The following ADD1 variants were observed in gnomAD, a reference collection of about 807,000 sequenced individuals.
ADD1 encodes the protein alpha-adducin.
In ADD1, 24 loss-of-function variants were observed where a neutral mutation model predicts 80.5. The ratio of observed to expected loss-of-function variants is 0.30; its 90% confidence interval spans 0.22 to 0.42. The LOEUF is 0.42. Among genes scored for constraint, ADD1 ranks in the 10% least tolerant of loss-of-function variants. The probability of loss-of-function intolerance (pLI) is 1.00; values close to 1 mark genes in which losing one functional copy is unlikely to be tolerated. For synonymous variants in ADD1, 373 were observed against 393.8 expected, an observed-to-expected ratio of 0.95 and a Z score of 0.63; for missense variants, 948 against 1,019.0, an observed-to-expected ratio of 0.93 and a Z score of 0.95.
intron 6 of ADD1, 115 bp from the exon 7 acceptor site, chr4:2,898,069 G>A (rs1181304994): frequency 1.8e-5 from 24 of 1,329,546 alleles, no homozygotes; most frequent in Non-Finnish European, 3.1e-6. Flanking sequence ...TTTTCAAGAA[G>A]AGGACAAAAA....
At chr4:2,874,758 A>G (rs1731005443) in intron 1 of ADD1, among the ~76,000 whole-genome samples, 1 of 152,218 alleles carries the variant, frequency 6.6e-6, no homozygotes, top group Non-Finnish European at 1.5e-5. Flanking sequence ...CAATAAAAAT[A>G]TCTTTTTTGC....
intron 1 of ADD1, among the ~76,000 whole-genome samples, chr4:2,855,569 G>T (rs1164445826): frequency 6.6e-6 from 1 of 150,952 alleles, no homozygotes; most frequent in Non-Finnish European, 1.5e-5. Context: ...AGGCATGAAA[G>T]TTCTTTAATT....
At chr4:2,907,532 CTT>C in intron 10 of ADD1, 1 of 482,226 alleles carries the variant, frequency 2.1e-6, no homozygotes, top group Middle Eastern at 6.0e-4. Flanking sequence ...TCAGTCATGA[CTT>C]TGACTTCCAG....
At chr4:2,905,240 G>A in intron 10 of ADD1, 132 bp downstream of exon 10, 2 of 788,974 alleles carry the variant, frequency 2.5e-6, no homozygotes, top group Non-Finnish European at 4.0e-6. Context: ...CTTTCTTGTA[G>A]TCTGAACCTA....
chr4:2,921,816 T>C (rs926601810), intron 14 of ADD1, among the ~76,000 whole-genome samples: 2 of 152,168 alleles, frequency 1.3e-5, no homozygotes, highest in Non-Finnish European at 2.9e-5. Flanking sequence ...CCATATTTCT[T>C]GGAGGCTTTG....
In ADD1 at chr4:2,880,463, C is replaced by CTTTTTTTTT. The variant is rs1167878841; in HGVS notation, c.196-1413_196-1405dup. Among the ~76,000 whole-genome samples, 282 of 63,202 alleles carry CTTTTTTTTT rather than the reference C, an allele frequency of 4.5e-3. 21 individuals are homozygous for CTTTTTTTTT. Among genetic ancestry groups the CTTTTTTTTT allele is most frequent in the African/African-American group, 6.0e-3 (96 of 15,896 alleles). 41.5% of individuals were successfully genotyped at this position (63,202 alleles called of 152,430 possible). On this transcript the variant is annotated intron_variant, in intron 2 of 15. Transcript: ENST00000683351. The stretch of plus-strand genomic sequence containing the variant: ...TGTTTGACAAGATATTTCTTTCTTT[C>CTTTTTTTTT]TTTTTTTTTTTTTTTTTTTTTTTTT...
At position 2,909,451 on chromosome 4, in the gene ADD1, C is replaced by T. The variant is rs1170172550; in HGVS notation, c.1791+20C>T. 2.0e-6 allele frequency: 3 copies of T among 1,531,228 alleles called. No homozygotes were observed. Among genetic ancestry groups the T allele is most frequent in the African/African-American group, 2.8e-5 (2 of 72,562 alleles). The allele number at this position is 1,531,228 out of a possible 1,614,324, so 94.9% of individuals were successfully genotyped here. A position where few individuals can be genotyped will look rare whatever the true frequency, so the allele number is the denominator to read the frequency against. The stretch of plus-strand genomic sequence containing the variant: ...AGAAAGGTACTCACTGCCCTGTCCT[C>T]ACTACCTGTCTATGCGCCTTGCTCC... On this transcript the variant is annotated intron_variant, in intron 13 of 15. Transcript: ENST00000683351.
intron 1 of ADD1, among the ~76,000 whole-genome samples, chr4:2,872,081 G>A (rs781601493): frequency 1.4e-4 from 21 of 152,166 alleles, no homozygotes; most frequent in Non-Finnish European, 8.8e-5. Context: ...TTAGGAGGCC[G>A]TTGAGTGTCC....
chr4:2,926,003 C>G lies in ADD1; in HGVS notation c.1949-11C>G. Reference sequence around the variant, plus strand: ...CACAGCTCCTACCATATCCTTCTTGCTTCTCTGCAGAGAATCTGGACGAGG... The same window carrying G: ...CACAGCTCCTACCATATCCTTCTTGGTTCTCTGCAGAGAATCTGGACGAGG... On this transcript the variant is annotated splice_polypyrimidine_tract_variant and intron_variant, in intron 14 of 15. Transcript: ENST00000683351. This position sits in a 1 kb window ranked among gnomAD's most constrained non-coding sequence, Gnocchi z 5.0. 1 of 1,612,682 alleles carries G rather than the reference C, an allele frequency of 6.2e-7. No individual in the cohort carries two copies. Among genetic ancestry groups the G allele is most frequent in the Non-Finnish European group, 8.5e-7 (1 of 1,178,864 alleles).
At position 2,908,424 on chromosome 4, in the gene ADD1, G is replaced by A. The variant is rs1340802836; in HGVS notation, c.1609-91G>A. The A allele has an allele frequency of 4.4e-6, 5 of 1,142,170 alleles. No homozygotes were observed. In the Admixed American group the frequency reaches 9.2e-5, roughly 21 times the overall value. The allele number at this position is 1,142,170 out of a possible 1,614,324, so 70.8% of individuals were successfully genotyped here. On this transcript the variant is annotated intron_variant, in intron 11 of 15. Transcript: ENST00000683351. ...GGGAGAGCTGAAATGTAGCTTCCAT[G>A]TGGCTGGGGCCCAAGTGCACAAGCA...
At position 2,929,557 on chromosome 4, in the gene ADD1, G is replaced by C. The variant is rs1712666011; in HGVS notation, c.*1034G>C. 6.6e-6 allele frequency: 1 copy of C among 152,330 alleles called. No individual in the cohort carries two copies. The highest frequency in any genetic ancestry group is 1.5e-5 in the Non-Finnish European group (1 of 68,110). 9.4% of individuals were successfully genotyped at this position (152,330 alleles called of 1,614,324 possible). A position where few individuals can be genotyped will look rare whatever the true frequency, so the allele number is the denominator to read the frequency against. On this transcript the variant is annotated 3_prime_UTR_variant, in exon 16 of 16. Transcript: ENST00000683351. The stretch of plus-strand genomic sequence containing the variant: ...CCAAGAGGCTGGAAAAGGGCTCAGA[G>C]CTGCTGAGCAGGAACCGGAGGGTGA...
At chr4:2,869,247 AT>A (rs1560161816) in intron 1 of ADD1, among the ~76,000 whole-genome samples, 4 of 152,150 alleles carry the variant, frequency 2.6e-5, no homozygotes. Flanking sequence ...GAAGTCTAAG[AT>A]CAGGGTGTGG....
At chr4:2,903,856 T>C (rs913999174) in intron 9 of ADD1, among the ~76,000 whole-genome samples, 1 of 152,072 alleles carries the variant, frequency 6.6e-6, no homozygotes, top group Non-Finnish European at 1.5e-5. Context: ...TGCAGATGAG[T>C]TGGTCCAGTA....
chr4:2,899,130 C>T lies in ADD1; in HGVS notation c.985-129C>T, dbSNP rs117230017. The stretch of plus-strand genomic sequence containing the variant: ...ACTTTGTGATCAGTCTGTCACTATC[C>T]ATTCTACATTTTTTATTCTTACACT... On this transcript the variant is annotated intron_variant, in intron 8 of 15. Coordinates refer to ENST00000683351, the MANE Select transcript of ADD1 (RefSeq NM_001354761.2). The T allele has an allele frequency of 2.2e-4, 203 of 913,666 alleles. 2 individuals carry two copies. The East Asian group carries it at 5.2e-3, about 24-fold the overall frequency. The allele number at this position is 913,666 out of a possible 1,614,324, so 56.6% of individuals were successfully genotyped here. A position where few individuals can be genotyped will look rare whatever the true frequency, so the allele number is the denominator to read the frequency against.
At chr4:2,918,355 GTTGATTTTGTATC>G (rs1228185912) in intron 14 of ADD1, among the ~76,000 whole-genome samples, 3 of 152,170 alleles carry the variant, frequency 2.0e-5, no homozygotes, top group African/African-American at 7.2e-5. Context: ...GATTTTTGCA[GTTGATTTTGTATC>G]TTGAGACTTT....
intron 15 of ADD1, 25 bp from the exon 16 acceptor site, chr4:2,928,146 T>TC: frequency 6.2e-7 from 1 of 1,606,262 alleles, no homozygotes; most frequent in Non-Finnish European, 8.5e-7. Context: ...GAACCCTTAA[T>TC]CCCATCTCTC....
chr4:2,873,964 C>T (rs1730848180), intron 1 of ADD1, among the ~76,000 whole-genome samples: 1 of 152,120 alleles, frequency 6.6e-6, no homozygotes, highest in Non-Finnish European at 1.5e-5. Flanking sequence ...AATCCCAGCA[C>T]TGTGGAAGTC....
rs34737322 is a variant in ADD1 at position 2,928,415 on chromosome 4, C to T, written c.2292C>T (p.Ala764=). The part of the protein sequence containing the change: ...AAPSAVEEGA[A]ADPGSDGSPG... The stretch of plus-strand genomic sequence containing the variant: ...CCTCAGCTGTCGAGGAGGGGGCCGC[C>T]GCGGACCCTGGCAGCGATGGGTCTC... Residue 764 remains alanine (A), a synonymous_variant, in exon 16 of 16, where the codon GCC becomes GCT. Transcript: ENST00000683351. The T allele has an allele frequency of 2.7e-5, 44 of 1,613,356 alleles. No homozygotes were observed. The highest frequency in any genetic ancestry group is 6.7e-5 in the East Asian group (3 of 44,886).
intron 14 of ADD1, among the ~76,000 whole-genome samples, chr4:2,920,214 T>C (rs1391848420): frequency 2.6e-5 from 4 of 152,196 alleles, no homozygotes; most frequent in Admixed American, 1.3e-4. Flanking sequence ...CTGTTTGTTA[T>C]GATTTCCATT....
Sources: gnomAD v4.1 joint callset for allele counts (sites outside exome capture counted in the v4.1 genomes callset) on GRCh38, gnomAD v4.1.1 for gene constraint, Gnocchi (gnomAD v3.1) non-coding constraint, MANE v1.5 for transcripts, NCBI Gene and HGNC (gene_info 2026-07-23, HGNC 2026-07-21) for gene names.